ANXA3: variants seen among roughly 807,000 people sequenced by gnomAD.
ANXA3 encodes annexin A3, also known as 35-alpha calcimedin.
ANXA3 carries 46 observed loss-of-function variants against 48.8 expected under a neutral mutation model. That is an observed-to-expected ratio of 0.94 (90% CI 0.74 to 1.21). The LOEUF (loss-of-function observed/expected upper bound fraction) is 1.21. Ranked by LOEUF, ANXA3 falls within the 50% of genes most tolerant of loss-of-function variation. The pLI is 0.00. For synonymous variants in ANXA3, 128 were observed against 134.7 expected (o/e 0.95, Z 0.35); for missense variants, 383 against 378.6 (o/e 1.01, Z -0.10).
At chr4:78,555,840 A>T (rs1353461031) in intron 2 of ANXA3, among the ~76,000 whole-genome samples, 1 of 120,268 alleles carries the variant, frequency 8.3e-6, no homozygotes, top group Non-Finnish European at 1.9e-5. Flanking sequence ...GACAGAGTGA[A>T]ACCCTATCTA....
chr4:78,592,324 C>A (rs1013721370), intron 7 of ANXA3, among the ~76,000 whole-genome samples: 1 of 152,124 alleles, frequency 6.6e-6, no homozygotes, highest in African/African-American at 2.4e-5. Flanking sequence ...TTACATAGCA[C>A]CTAAATGTGA....
At position 78,586,309 on chromosome 4, in the gene ANXA3, C is replaced by G. The variant is rs781405613; in HGVS notation, c.362C>G (p.Thr121Arg). The change falls in exon 6 of 13, where the codon ACA (threonine) becomes AGA (arginine). Residue 121 changes from threonine (T) to arginine (R), a missense_variant. Thr to Arg is a moderately conservative substitution (Grantham distance 71). Coordinates refer to ENST00000264908, the MANE Select transcript of ANXA3 (RefSeq NM_005139.3). Reference protein sequence around the residue: ...DALIEILTTRTSRQMKDISQA... With the variant: ...DALIEILTTRRSRQMKDISQA... ...TTGATTGAAATCTTAACTACCAGGA[C>G]AAGCAGGCAAATGAAGGATATCTCT... is the stretch of plus-strand genomic sequence containing the variant. 6.8e-6 allele frequency: 11 copies of G among 1,613,696 alleles called. No homozygotes were observed. Among genetic ancestry groups the G allele is most frequent in the Non-Finnish European group, 9.3e-6 (11 of 1,179,770 alleles).
chr4:78,590,846 A>G (rs751556719), intron 6 of ANXA3, among the ~76,000 whole-genome samples: 1 of 150,508 alleles, frequency 6.6e-6, no homozygotes, highest in African/African-American at 2.5e-5. Flanking sequence ...GTTTATTTCT[A>G]TCATATGTAG....
At chr4:78,604,068 T>C (rs1723599150) in intron 11 of ANXA3, 2 of 428,950 alleles carry the variant, frequency 4.7e-6, no homozygotes, top group Non-Finnish European at 7.9e-6. Flanking sequence ...ATCTCATCTC[T>C]GCTTTGCAGC....
rs74610888 is a variant in ANXA3, at chr4:78,606,722, A to T, written c.912+2323A>T. 9.5e-3 allele frequency among the ~76,000 whole-genome samples: 1,443 copies of T among 152,326 alleles called. 23 individuals are homozygous for T. The highest frequency in any genetic ancestry group is 0.033 in the African/African-American group (1,353 of 41,558). ...GAACATCAATCAGTCAACTAGATTC[A>T]TTCACTAAAATCTCTCTCTCTCTCT... On this transcript the variant is annotated intron_variant, in intron 12 of 12. Transcript: ENST00000264908.
At chr4:78,584,077 ATGATGTTTC>A (rs1225795768) in intron 5 of ANXA3, among the ~76,000 whole-genome samples, 1 of 152,182 alleles carries the variant, frequency 6.6e-6, no homozygotes, top group Non-Finnish European at 1.5e-5. Flanking sequence ...ATCTTTATAC[ATGATGTTTC>A]TTCCATCTGG....
chr4:78,565,693 C>T (rs970540374), intron 2 of ANXA3, among the ~76,000 whole-genome samples: 5 of 152,166 alleles, frequency 3.3e-5, no homozygotes, highest in Non-Finnish European at 2.9e-5. Context: ...GTGTCTTAAC[C>T]GCTCTGGACC....
intron 3 of ANXA3, 39 bp downstream of exon 3, chr4:78,573,306 C>T (rs751792818): frequency 4.9e-6 from 7 of 1,441,612 alleles, no homozygotes. Flanking sequence ...AATGTTGAAG[C>T]AAATCAGGCA....
At chr4:78,581,591 T>C (rs1723071589) in intron 4 of ANXA3, among the ~76,000 whole-genome samples, 3 of 152,376 alleles carry the variant, frequency 2.0e-5, no homozygotes, top group South Asian at 2.1e-4. Context: ...AACATCACTA[T>C]GTACCTTATG....
In ANXA3 at chr4:78,586,757, A is replaced by C. The variant is rs148310320; in HGVS notation, c.403+407A>C. 3.5e-3 allele frequency among the ~76,000 whole-genome samples: 534 copies of C among 152,360 alleles called. 3 individuals are homozygous for C. The highest frequency in any genetic ancestry group is 0.012 in the African/African-American group (509 of 41,582). ...TAATTTAGAGGATGTGTTGAGCATA[A>C]GGATTCAATAGAAGTAGCTAAAGAC... is the stretch of plus-strand genomic sequence containing the variant. On this transcript the variant is annotated intron_variant, in intron 6 of 12. Transcript: ENST00000264908.
intron 10 of ANXA3, among the ~76,000 whole-genome samples, chr4:78,599,797 C>T (rs376387390): frequency 5.3e-5 from 8 of 151,938 alleles, no homozygotes; most frequent in Non-Finnish European, 1.0e-4. Context: ...GGTTGGTGGA[C>T]GCCTGTAGTC....
intron 2 of ANXA3, 159 bp from the exon 3 acceptor site, chr4:78,573,021 A>G (rs1179050930): frequency 2.7e-6 from 2 of 745,634 alleles, no homozygotes; most frequent in Admixed American, 1.7e-5. Context: ...TACTGTCATA[A>G]TTTTCCAAAG....
intron 2 of ANXA3, among the ~76,000 whole-genome samples, chr4:78,562,233 AAG>A (rs1553899108): frequency 6.6e-6 from 1 of 151,776 alleles, no homozygotes; most frequent in Non-Finnish European, 1.5e-5. Context: ...GTTAGAAAAA[AAG>A]AAGTATATAG....
At chr4:78,591,665 C>A in intron 7 of ANXA3, 42 bp downstream of exon 7, 3 of 1,377,886 alleles carry the variant, frequency 2.2e-6, no homozygotes, top group Non-Finnish European at 3.1e-6. Context: ...CAGTAAGCTG[C>A]ATGCTCAATA....
Position 78,604,360 on chromosome 4 carries a change from C to T in ANXA3, c.873C>T (p.Phe291=). The T allele has an allele frequency of 6.2e-7, 1 of 1,613,184 alleles. No individual in the cohort carries two copies. Among genetic ancestry groups the T allele is most frequent in the African/African-American group, 1.3e-5 (1 of 74,996 alleles). ...EIDLLDIRTE[F]KKHYGYSLYS... The stretch of plus-strand genomic sequence containing the variant: ...ACCTTTTGGACATTCGAACAGAGTT[C>T]AAGAAGCATTATGGCTATTCCCTAT... Residue 291 remains phenylalanine, a synonymous_variant, in exon 12 of 13, where the codon TTC becomes TTT. Coordinates refer to ENST00000264908, the MANE Select transcript of ANXA3 (RefSeq NM_005139.3).
intron 2 of ANXA3, among the ~76,000 whole-genome samples, chr4:78,566,020 G>A (rs1360691844): frequency 2.0e-5 from 3 of 152,160 alleles, no homozygotes; most frequent in Admixed American, 6.5e-5. Context: ...AAAGAAAAGA[G>A]AGAGCCACTT....
At chr4:78,566,654 C>T (rs1206060711) in intron 2 of ANXA3, among the ~76,000 whole-genome samples, 2 of 137,308 alleles carry the variant, frequency 1.5e-5, no homozygotes, top group Non-Finnish European at 3.1e-5. Context: ...AGAGATTGAA[C>T]ACTTCAAAAG....
intron 3 of ANXA3, among the ~76,000 whole-genome samples, chr4:78,576,015 T>C (rs1427373934): frequency 1.3e-5 from 2 of 152,134 alleles, no homozygotes; most frequent in Non-Finnish European, 2.9e-5. Flanking sequence ...TCACCTATGT[T>C]TTATGCTTCC....
intron 2 of ANXA3, among the ~76,000 whole-genome samples, chr4:78,556,394 GAA>G (rs1722511279): frequency 6.6e-6 from 1 of 151,896 alleles, no homozygotes; most frequent in Non-Finnish European, 1.5e-5. Flanking sequence ...AAAGAACAAA[GAA>G]AATAAAAAAT....
Sources: allele counts gnomAD v4.1 joint callset (sites outside exome capture counted in the v4.1 genomes callset), GRCh38; gene constraint gnomAD v4.1.1; transcripts MANE v1.5; gene names NCBI Gene and HGNC (gene_info 2026-07-23, HGNC 2026-07-21).